Variants in SHF observed in about 807,000 individuals in gnomAD.
SHF encodes the protein SH2 domain-containing adapter protein F.
SHF carries 30 observed loss-of-function variants against 42.4 expected under a neutral mutation model. That is an observed-to-expected ratio of 0.71 (90% CI 0.53 to 0.96). SHF has a LOEUF of 0.96. Ranked by LOEUF, SHF falls within the 40% of genes least tolerant of loss-of-function variation. The pLI is 0.00. For missense variants in SHF, 598 were observed against 634.0 expected (o/e 0.94, Z 0.61); for synonymous variants, 264 against 269.9 (o/e 0.98, Z 0.21).
chr15:45,172,559 T>C (rs1305912100), intron 4 of SHF, among the ~76,000 whole-genome samples: 1 of 152,172 alleles, frequency 6.6e-6, no homozygotes, highest in Non-Finnish European at 1.5e-5. Context: ...CCCCACATTG[T>C]GGGAGGAGAG....
rs1212948371 is a variant in SHF at position 45,187,530 on chromosome 15, A to G, written c.422T>C (p.Ile141Thr). 4 of 1,230,880 alleles carry G rather than the reference A, an allele frequency of 3.2e-6. No homozygotes were observed. Among genetic ancestry groups the G allele is most frequent in the African/African-American group, 1.6e-5 (1 of 64,454 alleles). The allele number at this position is 1,230,880 out of a possible 1,614,324, so 76.2% of individuals were successfully genotyped here. A position where few individuals can be genotyped will look rare whatever the true frequency, so the allele number is the denominator to read the frequency against. Residue 141 changes from isoleucine (I) to threonine (T), a missense_variant, in exon 1 of 7, where the codon ATT (isoleucine) becomes ACT (threonine). Transcript: ENST00000690270. ...PRHGSPPHRL[I>T]RVETPGPPAP... The stretch of plus-strand genomic sequence containing the variant: ...CGGGGGCCCCGGGGTCTCGACCCGA[A>G]TAAGGCGGTGTGGGGGAGAGCCGTG...
upstream of SHF, among the ~76,000 whole-genome samples, chr15:45,188,523 C>T (rs997435248): frequency 6.6e-6 from 1 of 152,238 alleles, no homozygotes; most frequent in African/African-American, 2.4e-5. Flanking sequence ...TGCACATACC[C>T]GAACCTACGT....
chr15:45,178,356 T>G (rs1373769346), intron 1 of SHF, 50 bp from the exon 2 acceptor site: 1 of 1,585,958 alleles, frequency 6.3e-7, no homozygotes, highest in Non-Finnish European at 8.6e-7. Flanking sequence ...GAGAGGCAAC[T>G]CTGCTTCTCC....
At position 45,172,224 on chromosome 15, in the gene SHF, T is replaced by A; in HGVS notation, c.1083A>T (p.Ser361=). 7.4e-6 allele frequency: 12 copies of A among 1,613,868 alleles called. No individual in the cohort carries two copies. Among genetic ancestry groups the A allele is most frequent in the Non-Finnish European group, 1.0e-5 (12 of 1,179,790 alleles). ...TGGGCTCCATGCTTAGGGGTTTGGCTGACTTGGGGTTCCCTGCAGAGAGTC... is the reference window on the plus strand; with the variant it reads ...TGGGCTCCATGCTTAGGGGTTTGGCAGACTTGGGGTTCCCTGCAGAGAGTC... ...PPRLSAGNPK[S]AKPLSMEPSS... The change falls in exon 5 of 7, where the codon TCA becomes TCT. Residue 361 remains serine, a synonymous_variant. Transcript: ENST00000690270.
rs11634927 is a variant in SHF at position 45,184,580 on chromosome 15, G to A, written c.498+2874C>T. On this transcript the variant is annotated intron_variant, in intron 1 of 6. Coordinates refer to ENST00000690270, the MANE Select transcript of SHF (RefSeq NM_001394037.1). Reference sequence around the variant, plus strand: ...CACCCAACCCCAAACACGTATCTTGGCATGAGGGAGGCAAAGGACACACTG... The same window carrying A: ...CACCCAACCCCAAACACGTATCTTGACATGAGGGAGGCAAAGGACACACTG... Among the ~76,000 whole-genome samples the A allele has an allele frequency of 1.4e-3, 217 of 152,328 alleles. 1 individual carries two copies. The highest frequency in any genetic ancestry group is 2.1e-3 in the Non-Finnish European group (140 of 68,032).
chr15:45,193,934 ACCAAAAAAAAAAAAAAAATTAG>A (rs1898785875), intron 2 of SHF, among the ~76,000 whole-genome samples: 1 of 149,302 alleles, frequency 6.7e-6, no homozygotes, highest in African/African-American at 2.5e-5. Context: ...CCCCTTCTGT[ACCAAAAAAAAAAAAAAAATTAG>A]CCAGGTGTGG....
In SHF at chr15:45,167,753, G is replaced by T; in HGVS notation, c.*194C>A. 2.2e-6 allele frequency: 1 copy of T among 444,450 alleles called. No individual in the cohort carries two copies. The highest frequency in any genetic ancestry group is 3.8e-6 in the Non-Finnish European group (1 of 262,232). The allele number at this position is 444,450 out of a possible 1,614,324, so 27.5% of individuals were successfully genotyped here. On this transcript the variant is annotated 3_prime_UTR_variant, in exon 7 of 7. Coordinates refer to ENST00000690270, the MANE Select transcript of SHF (RefSeq NM_001394037.1). ...CTCTCCAGGGATTCCTCTTTCCCCA[G>T]CTCCAGACAACCCCTTACTCCAAGG...
At chr15:45,180,706 C>T (rs1387559042) in intron 1 of SHF, among the ~76,000 whole-genome samples, 1 of 152,108 alleles carries the variant, frequency 6.6e-6, no homozygotes, top group Non-Finnish European at 1.5e-5. Flanking sequence ...CCTTTCCATA[C>T]ACCTCCCAGG....
At chr15:45,196,518 A>T (rs1414231160) in intron 2 of SHF, among the ~76,000 whole-genome samples, 1 of 152,198 alleles carries the variant, frequency 6.6e-6, no homozygotes, top group East Asian at 1.9e-4. Context: ...TCCAAAGACC[A>T]TCCTAGGTCC....
Position 45,178,824 on chromosome 15 carries a change from C to T in SHF, c.499-518G>A, listed in dbSNP as rs546946736. On this transcript the variant is annotated intron_variant, in intron 1 of 6. Transcript: ENST00000690270. ...CTGGGATTACAGGCGTGAGCCACCG[C>T]GCCCGGCCCCAAGTGGTACATCTTT... Among the ~76,000 whole-genome samples, 34 of 152,318 alleles carry T rather than the reference C, an allele frequency of 2.2e-4. No individual in the cohort carries two copies. The East Asian group carries it at 6.2e-3, about 28-fold the overall frequency.
At chr15:45,199,953 C>CAAAAAAAAA (rs56982094) in intron 1 of SHF, 2 of 59,520 alleles carry the variant, frequency 3.4e-5, no homozygotes, top group African/African-American at 1.1e-4. Flanking sequence ...GGCTCCATCT[C>CAAAAAAAAA]AAAAAAAAAA....
At chr15:45,198,961 C>G (rs777703506) in exon 2 of SHF, 3 of 1,613,672 alleles carry the variant, frequency 1.9e-6, no homozygotes, top group Admixed American at 1.7e-5. Flanking sequence ...GGGCGGAACT[C>G]AGACTACCCT....
upstream of SHF, among the ~76,000 whole-genome samples, chr15:45,188,300 G>T (rs1012404579): frequency 6.6e-6 from 1 of 152,188 alleles, no homozygotes; most frequent in Non-Finnish European, 1.5e-5. Context: ...CGTGCGAGAC[G>T]CAAAGAGGGG....
At chr15:45,175,045 AGCGCT>A (rs1897725120) in intron 3 of SHF, among the ~76,000 whole-genome samples, 169 bp downstream of exon 3, 1 of 152,078 alleles carries the variant, frequency 6.6e-6, no homozygotes, top group African/African-American at 2.4e-5. Flanking sequence ...CCCTGCACAC[AGCGCT>A]GTGTCCACAC....
chr15:45,184,752 G>A (rs1898296875), intron 1 of SHF, among the ~76,000 whole-genome samples: 1 of 152,260 alleles, frequency 6.6e-6, no homozygotes, highest in Non-Finnish European at 1.5e-5. Flanking sequence ...AGCCCCCACT[G>A]CCAGAGCATG....
Position 45,173,560 on chromosome 15 carries a change from GC to G in SHF, c.988+15del. Reference sequence around the variant, plus strand: ...TGAGGACATGTCACCCTGGCCAGAAGCCCCCCAGGACCCACCGCTGCTGTCC... The same window carrying G: ...TGAGGACATGTCACCCTGGCCAGAAGCCCCCAGGACCCACCGCTGCTGTCC... On this transcript the variant is annotated intron_variant, in intron 4 of 6. Transcript: ENST00000690270. 6.8e-7 allele frequency: 1 copy of G among 1,479,020 alleles called. No homozygotes were observed. The allele number at this position is 1,479,020 out of a possible 1,614,324, so 91.6% of individuals were successfully genotyped here. A position where few individuals can be genotyped will look rare whatever the true frequency, so the allele number is the denominator to read the frequency against.
intron 6 of SHF, chr15:45,170,618 G>T: frequency 3.2e-6 from 1 of 310,834 alleles, no homozygotes; most frequent in Non-Finnish European, 6.1e-6. Context: ...CCTGACTATA[G>T]TCCGGCACTT....
chr15:45,168,276 G>A lies in SHF; in HGVS notation c.1281-143C>T, dbSNP rs551446102. 1.3e-5 allele frequency: 10 copies of A among 790,370 alleles called. No homozygotes were observed. The East Asian group carries it at 2.8e-4, about 22-fold the overall frequency. 49.0% of individuals were successfully genotyped at this position (790,370 alleles called of 1,614,324 possible). ...ATGACAGGTGATTAGGGGAGGTGGA[G>A]GTCAGTCCAGAAAGCAGGGGTGGTG... On this transcript the variant is annotated intron_variant, in intron 6 of 6. Coordinates refer to ENST00000690270, the MANE Select transcript of SHF (RefSeq NM_001394037.1).
At position 45,167,366 on chromosome 15, in the gene SHF, G is replaced by A. The variant is rs1629906; in HGVS notation, c.*581C>T. 105,558 of 152,196 alleles carry A rather than the reference G, an allele frequency of 0.69. 40,611 individuals carry two copies. The highest frequency in any genetic ancestry group is 0.88 in the Non-Finnish European group (59,997 of 68,092). The allele number at this position is 152,196 out of a possible 1,614,324, so 9.4% of individuals were successfully genotyped here. ...AGGATCGGGTTTATTTATTGCCTCT[G>A]GCCCGGAGCCGGGGCGGCCTGGGGA... On this transcript the variant is annotated 3_prime_UTR_variant, in exon 7 of 7. Coordinates refer to ENST00000690270, the MANE Select transcript of SHF (RefSeq NM_001394037.1).
Sources: gnomAD v4.1 joint callset for allele counts (sites outside exome capture counted in the v4.1 genomes callset) on GRCh38, gnomAD v4.1.1 for gene constraint, MANE v1.5 for transcripts, NCBI Gene and HGNC (gene_info 2026-07-23, HGNC 2026-07-21) for gene names.